The following C4orf50 variants were observed in gnomAD, a reference collection of about 807,000 sequenced individuals.
C4orf50 encodes uncharacterized protein C4orf50.
Under a neutral mutation model 77.2 loss-of-function variants are expected in C4orf50, and 80 were observed. The ratio of observed to expected loss-of-function variants is 1.04; its 90% CI spans 0.87 to 1.25. The LOEUF (loss-of-function observed/expected upper bound fraction) is 1.25. Ranked by LOEUF, C4orf50 falls within the 50% of genes most tolerant of loss-of-function variation. C4orf50 has a pLI of 0.00. For missense variants in C4orf50, 1,257 were observed against 1,152.9 expected (o/e 1.09, Z -1.31); for synonymous variants, 532 against 465.3 (o/e 1.14, Z -1.84).
At chr4:5,984,814 T>TGA (rs1720773589) in intron 28 of C4orf50, among the ~76,000 whole-genome samples, 1 of 150,630 alleles carries the variant, frequency 6.6e-6, no homozygotes, top group South Asian at 2.1e-4. Flanking sequence ...TTTCTAAGTC[T>TGA]GACAGAAAAG....
downstream of C4orf50, among the ~76,000 whole-genome samples, chr4:5,955,844 C>A (rs1252372956): frequency 6.6e-6 from 1 of 152,216 alleles, no homozygotes; most frequent in Non-Finnish European, 1.5e-5. The surrounding 1 kb of genome is among the most constrained non-coding windows in gnomAD (Gnocchi z 5.1). Context: ...AGGGCCCTGT[C>A]TGTGATGCTA....
At chr4:5,984,384 G>A (rs1330778841) in intron 28 of C4orf50, among the ~76,000 whole-genome samples, 1 of 152,062 alleles carries the variant, frequency 6.6e-6, no homozygotes, top group Non-Finnish European at 1.5e-5. Flanking sequence ...TCCAAATATT[G>A]GTGTTAGCAG....
intron 25 of C4orf50, among the ~76,000 whole-genome samples, chr4:6,001,879 A>G (rs996038477): frequency 6.6e-6 from 1 of 152,354 alleles, no homozygotes; most frequent in Admixed American, 6.5e-5. Context: ...ACCCAGCCCC[A>G]GCCCTGCCCT....
rs554389329 is a variant in C4orf50, at chr4:5,967,250, G to A, written c.4153+164C>T. 5.9e-5 allele frequency among the ~76,000 whole-genome samples: 9 copies of A among 152,336 alleles called. No individual in the cohort carries two copies. The South Asian group carries it at 1.9e-3, about 32-fold the overall frequency. ...GTGTTCTCTCATTGTGAAATAGGAAGGCAATGCCACATAGGAAAGCGGGAG... is the reference window on the plus strand; with the variant it reads ...GTGTTCTCTCATTGTGAAATAGGAAAGCAATGCCACATAGGAAAGCGGGAG... On this transcript the variant is annotated intron_variant, in intron 32 of 33. Transcript: ENST00000531445.
At chr4:5,994,312 C>T (rs1193901150) in intron 26 of C4orf50, 35 bp downstream of exon 4, 7 of 399,030 alleles carry the variant, frequency 1.8e-5, no homozygotes, top group African/African-American at 8.2e-5. Flanking sequence ...GTGCTGCCCG[C>T]GACTCGTCCT....
intron 25 of C4orf50, among the ~76,000 whole-genome samples, chr4:6,001,122 G>A (rs1177753276): frequency 6.6e-6 from 1 of 151,968 alleles, no homozygotes; most frequent in African/African-American, 2.4e-5. Flanking sequence ...TAGACTGCTG[G>A]AAGGCAGAAT....
intron 25 of C4orf50, among the ~76,000 whole-genome samples, chr4:5,995,889 C>G (rs1328801263): frequency 2.6e-5 from 4 of 152,134 alleles, no homozygotes; most frequent in Non-Finnish European, 4.4e-5. Context: ...GTGCCCTGTC[C>G]CCTTCTCACT....
At chr4:5,965,283 G>A (rs1436535802) in intron 32 of C4orf50, 138 bp from the exon 11 acceptor site, 9 of 824,140 alleles carry the variant, frequency 1.1e-5, no homozygotes, top group Non-Finnish European at 1.7e-5. Flanking sequence ...CCGGGGCAGA[G>A]GTCCTCTCAG....
chr4:5,927,476 A>T (rs1418578682), intron 7 of C4orf50, among the ~76,000 whole-genome samples: 1 of 151,762 alleles, frequency 6.6e-6, no homozygotes, highest in Non-Finnish European at 1.5e-5. Flanking sequence ...CCCAAATCTC[A>T]TCTCAAATTG....
At chr4:5,941,840 G>C (rs1718281467) in intron 7 of C4orf50, among the ~76,000 whole-genome samples, 2 of 152,102 alleles carry the variant, frequency 1.3e-5, no homozygotes, top group African/African-American at 4.8e-5. Context: ...ATTTACAATG[G>C]GACTCCTCCT....
intron 7 of C4orf50, among the ~76,000 whole-genome samples, chr4:5,947,636 C>T (rs555551911): frequency 1.4e-4 from 21 of 152,132 alleles, no homozygotes; most frequent in South Asian, 1.0e-3. Context: ...ACTGCAGCCC[C>T]GAGGGCCTCC....
chr4:5,989,928 G>T, exon 28 of C4orf50: 1 of 1,426,136 alleles, frequency 7.0e-7, no homozygotes, highest in East Asian at 2.5e-5. Flanking sequence ...GCCACACTTG[G>T]TTTTCCTCCT....
chr4:5,899,495 C>T (rs999764577), intron 7 of C4orf50: 4 of 152,234 alleles, frequency 2.6e-5, no homozygotes, highest in Non-Finnish European at 5.9e-5. Context: ...TTAAGAACCA[C>T]CAGCTGTTTA....
chr4:5,973,920 T>G (rs1413916235), intron 30 of C4orf50, 79 bp from the exon 9 acceptor site: 26 of 1,180,308 alleles, frequency 2.2e-5, no homozygotes, highest in Non-Finnish European at 3.0e-5. Context: ...GGCCGGAGGG[T>G]CAGCTGAGGC....
intron 25 of C4orf50, among the ~76,000 whole-genome samples, chr4:5,995,694 A>G (rs1020875047): frequency 1.3e-5 from 2 of 152,106 alleles, no homozygotes; most frequent in Admixed American, 1.3e-4. Flanking sequence ...TTCTGTCTGC[A>G]CCCTCATCCT....
rs756264202 is a variant in C4orf50 at position 5,990,361 on chromosome 4, C to T, written c.1685G>A (p.Gly562Glu). 2.8e-4 allele frequency: 143 copies of T among 511,952 alleles called. 1 individual carries two copies. Among genetic ancestry groups the T allele is most frequent in the Non-Finnish European group, 3.2e-4 (105 of 329,770 alleles). The allele number at this position is 511,952 out of a possible 1,614,324, so 31.7% of individuals were successfully genotyped here. ...CCTGCCCAAAGTCCCCCTTGCCTTC[C>T]CCTCTTCAGTTCTCCCCGCAAGGCT... The change falls in exon 28 of 34, where the codon GGG (glycine) becomes GAG (glutamate). Residue 562 changes from glycine (G) to glutamate (E), a missense_variant. Gly to Glu is a moderately conservative substitution (Grantham distance 98). Transcript: ENST00000531445.
chr4:5,975,354 C>G (rs1350143578), intron 30 of C4orf50, among the ~76,000 whole-genome samples: 1 of 151,968 alleles, frequency 6.6e-6, no homozygotes, highest in African/African-American at 2.4e-5. Context: ...GTCACCCCAT[C>G]GAGTGGGAAC....
chr4:5,983,753 G>A (rs1213164061), intron 28 of C4orf50, among the ~76,000 whole-genome samples: 1 of 152,240 alleles, frequency 6.6e-6, no homozygotes, highest in African/African-American at 2.4e-5. Flanking sequence ...GAAAGTGTTG[G>A]TCCTGCTAGA....
chr4:5,956,463 C>A (rs994879861), downstream of C4orf50, among the ~76,000 whole-genome samples: 2 of 152,208 alleles, frequency 1.3e-5, no homozygotes, highest in Admixed American at 1.3e-4. Flanking sequence ...ACTCCTGTGA[C>A]CACACCCCAG....
Sources: allele counts gnomAD v4.1 joint callset (sites outside exome capture counted in the v4.1 genomes callset), GRCh38; gene constraint gnomAD v4.1.1; non-coding constraint Gnocchi (gnomAD v3.1); transcripts MANE v1.5; gene names NCBI Gene and HGNC (gene_info 2026-07-23, HGNC 2026-07-21).